Variants in CSPP1 observed in about 807,000 individuals in gnomAD.
The protein encoded by CSPP1 is centrosome and spindle pole associated protein 1, also known as centrosome and spindle pole-associated protein 1.
CSPP1 carries 126 observed loss-of-function variants against 164.4 expected under a neutral mutation model. That is an observed-to-expected ratio of 0.77 (90% CI 0.66 to 0.89). CSPP1 has a LOEUF of 0.89. Ranked by LOEUF, CSPP1 falls within the 40% of genes least tolerant of loss-of-function variation. CSPP1 has a pLI of 0.00. For synonymous variants in CSPP1, 472 were observed against 476.7 expected (o/e 0.99, Z 0.13); for missense variants, 1,395 against 1,449.8 (o/e 0.96, Z 0.61).
intron 28 of CSPP1, among the ~76,000 whole-genome samples, chr8:67,189,785 G>C (rs1190832036): frequency 6.6e-6 from 1 of 152,000 alleles, no homozygotes; most frequent in Admixed American, 6.6e-5. Context: ...TATAGAAATT[G>C]GCAAAGTAAC....
At chr8:67,103,733 G>A (rs1267500536) in intron 8 of CSPP1, among the ~76,000 whole-genome samples, 1 of 151,252 alleles carries the variant, frequency 6.6e-6, no homozygotes, top group East Asian at 1.9e-4. Context: ...CCAGCTACTC[G>A]GGAGGCTGAG....
chr8:67,153,936 G>A, intron 18 of CSPP1, 88 bp from the exon 19 acceptor site: 1 of 541,094 alleles, frequency 1.8e-6, no homozygotes. Context: ...TTTTAAAAAT[G>A]AATTTATTAG....
At chr8:67,139,608 G>C (rs569819832) in intron 17 of CSPP1, among the ~76,000 whole-genome samples, 35 of 152,296 alleles carry the variant, frequency 2.3e-4, no homozygotes, top group African/African-American at 8.2e-4. Flanking sequence ...GTCCAACAAT[G>C]ATAGACTGGA....
chr8:67,158,088 C>G (rs1333815508), intron 19 of CSPP1, among the ~76,000 whole-genome samples: 2 of 152,168 alleles, frequency 1.3e-5, no homozygotes, highest in African/African-American at 4.8e-5. Context: ...GAATTAGTTG[C>G]TTAGAACCTT....
intron 1 of CSPP1, among the ~76,000 whole-genome samples, chr8:67,067,098 A>G (rs1805724916): frequency 6.6e-6 from 1 of 152,204 alleles, no homozygotes; most frequent in Non-Finnish European, 1.5e-5. Flanking sequence ...GCACAATGTC[A>G]TGCTTTAGGA....
chr8:67,130,472 CAA>C (rs1820999264), intron 15 of CSPP1, among the ~76,000 whole-genome samples: 1 of 152,190 alleles, frequency 6.6e-6, no homozygotes, highest in African/African-American at 2.4e-5. Flanking sequence ...TTCATTTACA[CAA>C]AGAGCCCCCT....
chr8:67,185,104 CA>C (rs562540567), intron 28 of CSPP1, among the ~76,000 whole-genome samples: 2,555 of 121,888 alleles, frequency 0.021, 68 homozygotes, highest in African/African-American at 0.069. Flanking sequence ...GACTCCGTCT[CA>C]AAAAAAAAAA....
At chr8:67,069,950 G>A (rs1333209266) in intron 1 of CSPP1, among the ~76,000 whole-genome samples, 2 of 151,696 alleles carry the variant, frequency 1.3e-5, no homozygotes, top group African/African-American at 2.4e-5. Flanking sequence ...GTGAGCCACC[G>A]CCCCCAACCT....
At chr8:67,170,767 T>C (rs1398835796) in intron 24 of CSPP1, among the ~76,000 whole-genome samples, 2 of 152,116 alleles carry the variant, frequency 1.3e-5, no homozygotes, top group Non-Finnish European at 1.5e-5. Context: ...ATGGAACTAA[T>C]AGAGCTGTTC....
rs1017040124 is a variant in CSPP1, at chr8:67,193,488, C to G, written c.3355C>G (p.Pro1119Ala). The change falls in exon 30 of 31, where the codon CCA becomes GCA. Residue 1119 changes from proline (P) to alanine (A), a missense_variant. Physicochemically the swap from Pro to Ala is conservative, Grantham distance 27. Coordinates refer to ENST00000678616, the MANE Select transcript of CSPP1 (RefSeq NM_001382391.1). ...GGATAGCAGTCGTCCTAATGTAGCA[C>G]CAGATGGTCTCTCTCTAAAATCTAT... Reference protein sequence around the residue: ...DIDSSRPNVAPDGLSLKSISS... With the variant: ...DIDSSRPNVAADGLSLKSISS... 6.8e-6 allele frequency: 11 copies of G among 1,613,200 alleles called. No homozygotes were observed. Among genetic ancestry groups the G allele is most frequent in the Non-Finnish European group, 9.3e-6 (11 of 1,179,226 alleles).
chr8:67,185,037 G>A (rs770305082), intron 28 of CSPP1, among the ~76,000 whole-genome samples: 38 of 149,488 alleles, frequency 2.5e-4, no homozygotes, highest in Non-Finnish European at 4.9e-4. Flanking sequence ...CCCGGGAGGC[G>A]GAGCTTGCAG....
Position 67,095,739 on chromosome 8 carries a change from A to ACAACTTCAT in CSPP1, c.923+8_923+16dup. On this transcript the variant is annotated splice_region_variant and intron_variant, in intron 7 of 30. Coordinates refer to ENST00000678616, the MANE Select transcript of CSPP1 (RefSeq NM_001382391.1). Reference sequence around the variant, plus strand: ...GAGTGTATACAAATGACAGGTATTTACAACTTCATTTTTATTTTATTTGCT... The same window carrying ACAACTTCAT: ...GAGTGTATACAAATGACAGGTATTTACAACTTCATCAACTTCATTTTTATTTTATTTGCT... 1 of 1,487,166 alleles carries ACAACTTCAT rather than the reference A, an allele frequency of 6.7e-7. No individual in the cohort carries two copies. Among genetic ancestry groups the ACAACTTCAT allele is most frequent in the Non-Finnish European group, 9.1e-7 (1 of 1,093,104 alleles). 92.1% of individuals were successfully genotyped at this position (1,487,166 alleles called of 1,614,324 possible).
intron 7 of CSPP1, among the ~76,000 whole-genome samples, chr8:67,100,981 T>G (rs1304894841): frequency 5.3e-5 from 8 of 152,100 alleles, no homozygotes; most frequent in Non-Finnish European, 8.8e-5. Flanking sequence ...TATAATTTAT[T>G]ACAGCAAAAT....
At chr8:67,129,382 G>A (rs1297115132) in intron 15 of CSPP1, among the ~76,000 whole-genome samples, 1 of 152,082 alleles carries the variant, frequency 6.6e-6, no homozygotes, top group East Asian at 1.9e-4. Flanking sequence ...ATAATATATG[G>A]TTAAAATATT....
At chr8:67,143,853 C>T (rs571865682) in intron 17 of CSPP1, among the ~76,000 whole-genome samples, 1 of 152,088 alleles carries the variant, frequency 6.6e-6, no homozygotes, top group East Asian at 1.9e-4. Context: ...TTTGTAGATT[C>T]TTTGATTTTT....
intron 1 of CSPP1, among the ~76,000 whole-genome samples, chr8:67,066,652 C>T (rs1805609231): frequency 6.6e-6 from 1 of 152,128 alleles, no homozygotes; most frequent in South Asian, 2.1e-4. Context: ...ATCTCACATT[C>T]AGCTCCTAAA....
chr8:67,161,358 C>T (rs1280417148), intron 21 of CSPP1, among the ~76,000 whole-genome samples: 1 of 152,082 alleles, frequency 6.6e-6, no homozygotes, highest in African/African-American at 2.4e-5. Flanking sequence ...TATAGAACCC[C>T]ATCGTGATCT....
chr8:67,165,711 A>G (rs1352393663), intron 24 of CSPP1, among the ~76,000 whole-genome samples: 1 of 152,222 alleles, frequency 6.6e-6, no homozygotes, highest in Non-Finnish European at 1.5e-5. Context: ...CTGACATCAC[A>G]TCATCACATT....
chr8:67,096,333 G>A (rs998645147), intron 7 of CSPP1, among the ~76,000 whole-genome samples: 2 of 152,084 alleles, frequency 1.3e-5, no homozygotes, highest in Non-Finnish European at 2.9e-5. Context: ...TTGGGAGGCC[G>A]AGGCGGGCGG....
Sources: gnomAD v4.1 joint callset for allele counts (sites outside exome capture counted in the v4.1 genomes callset) on GRCh38, gnomAD v4.1.1 for gene constraint, MANE v1.5 for transcripts, NCBI Gene and HGNC (gene_info 2026-07-23, HGNC 2026-07-21) for gene names.